OSBPL9: variants seen among roughly 807,000 people sequenced by gnomAD.
OSBPL9 encodes oxysterol binding protein like 9.
In OSBPL9, 40 loss-of-function variants were observed where a neutral mutation model predicts 106.6. The observed-to-expected ratio is 0.38, with a 90% CI of 0.29 to 0.49. The LOEUF is 0.49. Ranked by LOEUF, OSBPL9 falls within the 20% of genes least tolerant of loss-of-function variation. OSBPL9 has a pLI of 0.97. For synonymous variants in OSBPL9, 269 were observed against 295.4 expected, an observed-to-expected ratio of 0.91 and a Z score of 0.92; for missense variants, 609 against 887.2, an observed-to-expected ratio of 0.69 and a Z score of 3.98.
chr1:51,529,823 A>C, the OSBPL9 span, among the ~76,000 whole-genome samples: 5,952 of 150,996 alleles, frequency 0.039, 166 homozygotes, highest in East Asian at 0.13. Flanking sequence ...GATCCTTGAC[A>C]TAAATGTAAA....
At chr1:51,761,356 C>T (rs543526168) in intron 10 of OSBPL9, among the ~76,000 whole-genome samples, 2 of 149,826 alleles carry the variant, frequency 1.3e-5, no homozygotes, top group East Asian at 3.9e-4. Context: ...TTCCTTTTGC[C>T]CTTTTGTTAT....
intron 21 of OSBPL9, chr1:51,786,212 T>C (rs890814755): frequency 4.5e-6 from 2 of 444,048 alleles, no homozygotes; most frequent in African/African-American, 2.0e-5. Flanking sequence ...CGTATGTTTA[T>C]AAAATGAAGC....
rs531528949 is a variant in OSBPL9 at position 51,625,912 on chromosome 1, G to A, written c.111+8691G>A. ...ATAAATGGAATTATATTCAAGGAAAGTATTTCCAGGTATTCATAATTAATT... is the reference window on the plus strand; with the variant it reads ...ATAAATGGAATTATATTCAAGGAAAATATTTCCAGGTATTCATAATTAATT... On this transcript the variant is annotated intron_variant, in intron 1 of 23. Coordinates refer to ENST00000428468, the MANE Select transcript of OSBPL9 (RefSeq NM_024586.6). 1.4e-4 allele frequency among the ~76,000 whole-genome samples: 21 copies of A among 152,292 alleles called. No individual in the cohort carries two copies. In the South Asian group the frequency reaches 4.4e-3, roughly 32 times the overall value.
At chr1:51,580,888 G>T (rs1264909860) in intron 1 of OSBPL9, among the ~76,000 whole-genome samples, 1 of 84,226 alleles carries the variant, frequency 1.2e-5, no homozygotes, top group African/African-American at 4.2e-5. Context: ...TTTCCTTCTA[G>T]CCATTATATA....
intron 3 of OSBPL9, among the ~76,000 whole-genome samples, chr1:51,691,273 CTTTTTTT>C (rs1005953851): frequency 4.6e-5 from 5 of 108,950 alleles, no homozygotes; most frequent in African/African-American, 1.8e-4. Context: ...CTTGCTGTAA[CTTTTTTT>C]TTTTTTTTTT....
At chr1:51,704,007 G>A (rs1281201291) in intron 3 of OSBPL9, among the ~76,000 whole-genome samples, 1 of 152,208 alleles carries the variant, frequency 6.6e-6, no homozygotes, top group African/African-American at 2.4e-5. Context: ...TGGTAGATAA[G>A]CTTTCTGATG....
the OSBPL9 span, among the ~76,000 whole-genome samples, chr1:51,553,024 G>A: frequency 4.6e-5 from 7 of 151,554 alleles, no homozygotes; most frequent in Non-Finnish European, 2.9e-5. Flanking sequence ...TTAAGCATAA[G>A]CTTAATCTGC....
chr1:51,720,461 G>A lies in OSBPL9; in HGVS notation c.318+6382G>A, dbSNP rs1661880350. On this transcript the variant is annotated intron_variant, in intron 4 of 23. Transcript: ENST00000428468. Reference sequence around the variant, plus strand: ...CTGCCTCAGCCTCCCAAGTAGCTGGGATTACAGATGTGCACCACGACGCCC... The same window carrying A: ...CTGCCTCAGCCTCCCAAGTAGCTGGAATTACAGATGTGCACCACGACGCCC... 2.0e-5 allele frequency among the ~76,000 whole-genome samples: 3 copies of A among 151,838 alleles called. No individual in the cohort carries two copies. In the South Asian group the frequency reaches 6.2e-4, roughly 32 times the overall value.
the OSBPL9 span, among the ~76,000 whole-genome samples, chr1:51,551,161 T>G: frequency 1.3e-4 from 20 of 152,250 alleles, no homozygotes; most frequent in Admixed American, 1.3e-3. Context: ...GTTATTTTGC[T>G]CCCCAAATTG....
chr1:51,595,610 G>A (rs955274381), intron 1 of OSBPL9, among the ~76,000 whole-genome samples: 64 of 152,130 alleles, frequency 4.2e-4, no homozygotes, highest in African/African-American at 1.4e-3. Context: ...CCAGAGAAGC[G>A]AAAGACTTGT....
the OSBPL9 span, among the ~76,000 whole-genome samples, chr1:51,544,860 T>TTTTTTTA: frequency 6.9e-6 from 1 of 145,892 alleles, no homozygotes; most frequent in Non-Finnish European, 1.5e-5. Flanking sequence ...TTTTTTTTTT[T>TTTTTTTA]TGAGATGGAG....
intron 3 of OSBPL9, among the ~76,000 whole-genome samples, chr1:51,678,552 T>G (rs982721501): frequency 1.3e-5 from 2 of 152,024 alleles, no homozygotes; most frequent in African/African-American, 4.8e-5. Context: ...TCCCAGCTAC[T>G]CGGTAGGCTG....
chr1:51,662,609 A>G (rs1209197258), intron 2 of OSBPL9, among the ~76,000 whole-genome samples: 1 of 152,204 alleles, frequency 6.6e-6, no homozygotes, highest in Non-Finnish European at 1.5e-5. Flanking sequence ...AGTAGAAGTA[A>G]TAAGACTATT....
At chr1:51,654,522 A>G (rs939475155) in intron 2 of OSBPL9, among the ~76,000 whole-genome samples, 6 of 152,150 alleles carry the variant, frequency 3.9e-5, no homozygotes, top group African/African-American at 1.4e-4. Flanking sequence ...TTTCCAAAAG[A>G]ATTGGAAACA....
At chr1:51,629,371 T>C (rs1371781816) in intron 1 of OSBPL9, among the ~76,000 whole-genome samples, 1 of 152,192 alleles carries the variant, frequency 6.6e-6, no homozygotes, top group African/African-American at 2.4e-5. Flanking sequence ...ACTTAGTGGC[T>C]TTTCAGTAAA....
At chr1:51,553,953 A>T in the OSBPL9 span, among the ~76,000 whole-genome samples, 1 of 152,198 alleles carries the variant, frequency 6.6e-6, no homozygotes, top group African/African-American at 2.4e-5. Flanking sequence ...TGTTGGGATT[A>T]CAGGCGTGAG....
chr1:51,634,741 A>G (rs1645316054), intron 1 of OSBPL9, among the ~76,000 whole-genome samples: 1 of 152,208 alleles, frequency 6.6e-6, no homozygotes, highest in Non-Finnish European at 1.5e-5. Flanking sequence ...TGACAGAGCC[A>G]TACCTGAGAC....
chr1:51,706,890 T>C (rs1658667143), intron 3 of OSBPL9, among the ~76,000 whole-genome samples: 1 of 152,206 alleles, frequency 6.6e-6, no homozygotes, highest in Non-Finnish European at 1.5e-5. Flanking sequence ...GTATTTTGTT[T>C]TATTTTTCTT....
At chr1:51,606,942 C>A (rs897876500) in intron 2 of OSBPL9, among the ~76,000 whole-genome samples, 1 of 151,366 alleles carries the variant, frequency 6.6e-6, no homozygotes, top group African/African-American at 2.4e-5. Flanking sequence ...CCCAGCTACT[C>A]GGGAGGCTGA....
Sources: gnomAD v4.1 joint callset for allele counts (sites outside exome capture counted in the v4.1 genomes callset) on GRCh38, gnomAD v4.1.1 for gene constraint, MANE v1.5 for transcripts, NCBI Gene and HGNC (gene_info 2026-07-23, HGNC 2026-07-21) for gene names.